Variants in RAB11FIP4 observed in about 807,000 individuals in gnomAD.
The protein encoded by RAB11FIP4 is RAB11 family interacting protein 4.
Under a neutral mutation model 74.3 loss-of-function variants are expected in RAB11FIP4, and 23 were observed. That is an observed-to-expected ratio of 0.31 (90% CI 0.22 to 0.44). The LOEUF (loss-of-function observed/expected upper bound fraction) is 0.44, where lower values mean the gene tolerates loss of function less well. RAB11FIP4 is among the 20% of genes least tolerant of loss of function. RAB11FIP4 has a pLI of 1.00. For synonymous variants in RAB11FIP4, 360 were observed against 359.9 expected (o/e 1.00, Z 0.00); for missense variants, 630 against 863.9 (o/e 0.73, Z 3.39).
chr17:31,458,371 A>T (rs1352713368), intron 3 of RAB11FIP4, among the ~76,000 whole-genome samples: 1 of 152,162 alleles, frequency 6.6e-6, no homozygotes, highest in Non-Finnish European at 1.5e-5. Context: ...GGCATGAAGC[A>T]AAGTATCATG....
intron 1 of RAB11FIP4, among the ~76,000 whole-genome samples, chr17:31,413,671 C>T (rs1040563921): frequency 6.6e-6 from 1 of 152,156 alleles, no homozygotes; most frequent in African/African-American, 2.4e-5. Flanking sequence ...ATAACCCCCT[C>T]CTCCTCCAAG....
At chr17:31,420,905 G>A (rs1463053570) in intron 1 of RAB11FIP4, among the ~76,000 whole-genome samples, 1 of 152,042 alleles carries the variant, frequency 6.6e-6, no homozygotes, top group Non-Finnish European at 1.5e-5. Flanking sequence ...CCCATATGAA[G>A]AAACCCCATC....
chr17:31,497,694 C>T (rs988861984), intron 3 of RAB11FIP4, among the ~76,000 whole-genome samples: 7 of 151,946 alleles, frequency 4.6e-5, no homozygotes, highest in East Asian at 1.9e-4. Context: ...TCATGGAAGT[C>T]GGGGCTGAGT....
At chr17:31,400,488 C>A (rs1345675720) in intron 1 of RAB11FIP4, among the ~76,000 whole-genome samples, 1 of 152,268 alleles carries the variant, frequency 6.6e-6, no homozygotes, top group East Asian at 1.9e-4. Flanking sequence ...GGAGGAGATA[C>A]AGGATCAGAC....
intron 1 of RAB11FIP4, among the ~76,000 whole-genome samples, chr17:31,429,085 C>T (rs1236940797): frequency 6.6e-6 from 1 of 152,114 alleles, no homozygotes; most frequent in South Asian, 2.1e-4. Flanking sequence ...CAGAGGTTCT[C>T]CTGACCTTGG....
intron 3 of RAB11FIP4, among the ~76,000 whole-genome samples, chr17:31,473,305 T>C (rs369038557): frequency 1.3e-5 from 2 of 151,446 alleles, no homozygotes; most frequent in East Asian, 3.9e-4. Flanking sequence ...TTTGGGAGGC[T>C]GAGGCAGGTG....
In RAB11FIP4 at chr17:31,528,531, G is replaced by A. The variant is rs1418539150; in HGVS notation, c.1482G>A (p.Glu494=). Residue 494 remains glutamate (E), a synonymous_variant, in exon 12 of 15, where the codon GAG becomes GAA. Transcript: ENST00000621161. ...GCCTTGAGTTCCAGAAGGAGCGGGA[G>A]GCGACGCAGGAGGTAGGTCCCAGGC... ...QNRLEFQKER[E]ATQELIEDLR... 6.2e-7 allele frequency: 1 copy of A among 1,613,850 alleles called. No individual in the cohort carries two copies. The highest frequency in any genetic ancestry group is 2.2e-5 in the East Asian group (1 of 44,886).
intron 3 of RAB11FIP4, among the ~76,000 whole-genome samples, chr17:31,483,469 A>G (rs2071871077): frequency 6.6e-6 from 1 of 152,186 alleles, no homozygotes; most frequent in African/African-American, 2.4e-5. Flanking sequence ...ATACTATACC[A>G]GTGATTTTAA....
chr17:31,497,157 A>G (rs2072132008), intron 3 of RAB11FIP4, among the ~76,000 whole-genome samples: 1 of 152,152 alleles, frequency 6.6e-6, no homozygotes, highest in Non-Finnish European at 1.5e-5. Context: ...TGAGGTCAAG[A>G]GTTCGAGACC....
At chr17:31,426,203 G>A (rs1490639327) in intron 1 of RAB11FIP4, among the ~76,000 whole-genome samples, 1 of 152,188 alleles carries the variant, frequency 6.6e-6, no homozygotes, top group Non-Finnish European at 1.5e-5. Context: ...GCAACAGGGA[G>A]CAGTGGCTGA....
chr17:31,522,681 C>A, intron 7 of RAB11FIP4: 1 of 507,950 alleles, frequency 2.0e-6, no homozygotes, highest in Non-Finnish European at 3.5e-6. Flanking sequence ...CAGAGCACCC[C>A]ACAGCGTTCA....
chr17:31,502,972 G>A (rs895979725), intron 3 of RAB11FIP4, among the ~76,000 whole-genome samples: 5 of 152,064 alleles, frequency 3.3e-5, no homozygotes, highest in African/African-American at 7.2e-5. Flanking sequence ...GTCACATTGC[G>A]TTAGGGCCCA....
At chr17:31,481,798 A>T (rs1024644620) in intron 3 of RAB11FIP4, among the ~76,000 whole-genome samples, 2 of 152,096 alleles carry the variant, frequency 1.3e-5, no homozygotes, top group African/African-American at 2.4e-5. Flanking sequence ...AAGAAAACCC[A>T]TTGTTTATAC....
At chr17:31,433,129 G>GC (rs2071325908) in intron 2 of RAB11FIP4, among the ~76,000 whole-genome samples, 1 of 152,180 alleles carries the variant, frequency 6.6e-6, no homozygotes, top group Non-Finnish European at 1.5e-5. Context: ...CTGGGTAACA[G>GC]AGTAAGAACC....
intron 3 of RAB11FIP4, among the ~76,000 whole-genome samples, chr17:31,457,047 T>A (rs1029184181): frequency 1.3e-5 from 2 of 152,152 alleles, no homozygotes; most frequent in Non-Finnish European, 1.5e-5. Flanking sequence ...CCTGTCTTAA[T>A]GCAGGCCAAC....
At chr17:31,509,676 C>G (rs767487989) in intron 3 of RAB11FIP4, among the ~76,000 whole-genome samples, 19 of 152,158 alleles carry the variant, frequency 1.2e-4, no homozygotes, top group Non-Finnish European at 2.2e-4. Context: ...CTGATCAGAG[C>G]GGGAAGCTCT....
chr17:31,464,726 C>T (rs138269586), intron 3 of RAB11FIP4, among the ~76,000 whole-genome samples: 10,745 of 136,966 alleles, frequency 0.078, 541 homozygotes, highest in Middle Eastern at 0.12. Flanking sequence ...GCTGGGATTA[C>T]AGGCATGAGC....
At chr17:31,409,470 G>A (rs1351028410) in intron 1 of RAB11FIP4, among the ~76,000 whole-genome samples, 1 of 152,130 alleles carries the variant, frequency 6.6e-6, no homozygotes, top group Non-Finnish European at 1.5e-5. Context: ...ATCCTCAGCG[G>A]CAGTCCACCC....
chr17:31,464,119 T>TC (rs1409441673), intron 3 of RAB11FIP4, among the ~76,000 whole-genome samples: 3 of 152,002 alleles, frequency 2.0e-5, no homozygotes, highest in Non-Finnish European at 4.4e-5. Flanking sequence ...CAGCCTCTTC[T>TC]CCCCATTTGT....
Sources: allele counts gnomAD v4.1 joint callset (sites outside exome capture counted in the v4.1 genomes callset), GRCh38; gene constraint gnomAD v4.1.1; transcripts MANE v1.5; gene names NCBI Gene and HGNC (gene_info 2026-07-23, HGNC 2026-07-21).